The following GREB1 variants were observed in gnomAD, a reference collection of about 807,000 sequenced individuals.
The protein encoded by GREB1 is protein GREB1.
Under a neutral mutation model 200.7 loss-of-function variants are expected in GREB1, and 106 were observed. That is an observed-to-expected ratio of 0.53 (90% confidence interval 0.45 to 0.62). GREB1 has a LOEUF of 0.62. Ranked by LOEUF, GREB1 falls within the 20% of genes least tolerant of loss-of-function variation. The pLI is 0.00. For missense variants in GREB1, 2,243 were observed against 2,556.8 expected (o/e 0.88, Z 2.65); for synonymous variants, 1,132 against 1,092.4 (o/e 1.04, Z -0.72).
intron 4 of GREB1, among the ~76,000 whole-genome samples, chr2:11,574,373 C>T (rs1038957975): frequency 5.3e-5 from 8 of 152,194 alleles, no homozygotes; most frequent in Non-Finnish European, 1.2e-4. Context: ...AAGAAAGTGC[C>T]AGCCAGCCTT....
chr2:11,635,466 C>T, intron 30 of GREB1, 61 bp downstream of exon 30: 1 of 1,548,380 alleles, frequency 6.5e-7, no homozygotes. Flanking sequence ...CTGGCACACA[C>T]ACTGAGGGTA....
chr2:11,486,137 G>T (rs1016407630), intron 1 of GREB1, among the ~76,000 whole-genome samples: 3 of 152,112 alleles, frequency 2.0e-5, no homozygotes, highest in African/African-American at 7.2e-5. Flanking sequence ...GCTGACTTTG[G>T]GCAGTTCATA....
At chr2:11,520,292 A>G (rs1164952571) in intron 1 of GREB1, among the ~76,000 whole-genome samples, 4 of 152,248 alleles carry the variant, frequency 2.6e-5, no homozygotes, top group African/African-American at 9.6e-5. Flanking sequence ...ATTATCATAG[A>G]TCTATTGGCT....
chr2:11,580,935 A>T lies in GREB1; in HGVS notation c.901+103A>T, dbSNP rs773448758. On this transcript the variant is annotated intron_variant, in intron 7 of 32. Transcript: ENST00000381486. This position sits in a 1 kb window ranked among gnomAD's most constrained non-coding sequence, Gnocchi z 4.5. Reference sequence around the variant, plus strand: ...GGGCTGGGGCCGCTGAGCCTCCTGGAGTCTGATGTGGCTTCCATGAGAGTC... The same window carrying T: ...GGGCTGGGGCCGCTGAGCCTCCTGGTGTCTGATGTGGCTTCCATGAGAGTC... The T allele has an allele frequency of 7.0e-7, 1 of 1,418,954 alleles. No individual in the cohort carries two copies. Among genetic ancestry groups the T allele is most frequent in the East Asian group, 2.4e-5 (1 of 42,076 alleles). 87.9% of individuals were successfully genotyped at this position (1,418,954 alleles called of 1,614,324 possible). A position where few individuals can be genotyped will look rare whatever the true frequency, so the allele number is the denominator to read the frequency against.
chr2:11,518,210 G>A (rs143770622), intron 1 of GREB1, among the ~76,000 whole-genome samples: 145 of 152,264 alleles, frequency 9.5e-4, no homozygotes, highest in South Asian at 1.9e-3. Context: ...GTTGTTTGAC[G>A]TCAAGGTCAG....
chr2:11,614,517 G>A (rs1396851415), intron 19 of GREB1, among the ~76,000 whole-genome samples: 1 of 152,086 alleles, frequency 6.6e-6, no homozygotes, highest in African/African-American at 2.4e-5. Flanking sequence ...CTGTCGCTAG[G>A]AAGTAGCAGA....
chr2:11,488,289 G>A (rs1672701068), intron 1 of GREB1, among the ~76,000 whole-genome samples: 1 of 152,166 alleles, frequency 6.6e-6, no homozygotes, highest in Admixed American at 6.5e-5. Context: ...ATGAATCCAT[G>A]AAGGTGGCCG....
chr2:11,632,044 A>G lies in GREB1; in HGVS notation c.4747A>G (p.Ile1583Val), dbSNP rs1368716403. The G allele has an allele frequency of 1.2e-6, 2 of 1,614,100 alleles. No homozygotes were observed. Among genetic ancestry groups the G allele is most frequent in the Admixed American group, 3.3e-5 (2 of 60,014 alleles). ...VLVVKEYEMAIYKKYWPNHIM... is the reference protein window; with the variant it reads ...VLVVKEYEMAVYKKYWPNHIM... Reference sequence around the variant, plus strand: ...GGTTGTCAAGGAATACGAGATGGCAATTTATAAGAAATATTGGCCCAACCA... The same window carrying G: ...GGTTGTCAAGGAATACGAGATGGCAGTTTATAAGAAATATTGGCCCAACCA... The change falls in exon 27 of 33, where the codon ATT (isoleucine) becomes GTT (valine). Residue 1583 changes from isoleucine (I) to valine (V), a missense_variant. Coordinates refer to ENST00000381486, the MANE Select transcript of GREB1 (RefSeq NM_014668.4).
At chr2:11,510,792 C>T (rs1272035038) in intron 1 of GREB1, among the ~76,000 whole-genome samples, 3 of 150,646 alleles carry the variant, frequency 2.0e-5, no homozygotes, top group Non-Finnish European at 4.4e-5. Context: ...TGGGTTCAAG[C>T]AGTCCGAGTA....
intron 15 of GREB1, among the ~76,000 whole-genome samples, chr2:11,599,982 A>C (rs1299728726): frequency 6.6e-6 from 1 of 152,160 alleles, no homozygotes; most frequent in Non-Finnish European, 1.5e-5. Context: ...ACCTTCAGAC[A>C]TTTCCACTGA....
chr2:11,615,224 G>A lies in GREB1; in HGVS notation c.3256G>A (p.Ala1086Thr). The change falls in exon 20 of 33, where the codon GCC becomes ACC. Residue 1086 changes from alanine to threonine, a missense_variant. By Grantham distance (58) the Ala-to-Thr change is moderately conservative. This residue lies in a region of GREB1 where 587 missense variants were observed against 553.1 expected (regional missense o/e 1.06). Coordinates refer to ENST00000381486, the MANE Select transcript of GREB1 (RefSeq NM_014668.4). ...VPLEKGARNE[A>T]LESDAEKLSS... ...CTTGGAGAAGGGGGCTAGGAACGAG[G>A]CCTTGGAGAGTGATGCTGAGAAGCT... The A allele has an allele frequency of 6.2e-7, 1 of 1,613,262 alleles. No homozygotes were observed. Among genetic ancestry groups the A allele is most frequent in the Non-Finnish European group, 8.5e-7 (1 of 1,179,598 alleles).
In GREB1 at chr2:11,598,770, C is replaced by A. The variant is rs1681495395; in HGVS notation, c.2243C>A (p.Thr748Lys). 1.9e-6 allele frequency: 3 copies of A among 1,614,114 alleles called. No homozygotes were observed. The highest frequency in any genetic ancestry group is 2.2e-5 in the East Asian group (1 of 44,880). Reference sequence around the variant, plus strand: ...CTGAAGCTAGACACGGAGGCACAGACAAAATTTAAGGCTTTTCTGCAAAAC... The same window carrying A: ...CTGAAGCTAGACACGGAGGCACAGAAAAAATTTAAGGCTTTTCTGCAAAAC... ...YVLKLDTEAQ[T>K]KFKAFLQNSF... Residue 748 changes from threonine to lysine, a missense_variant, in exon 15 of 33, where the codon ACA (threonine) becomes AAA (lysine). Around this residue, in one of 3 missense-constraint regions of GREB1, gnomAD observed 1,178 missense variants for 1,387.4 expected, o/e 0.85. Coordinates refer to ENST00000381486, the MANE Select transcript of GREB1 (RefSeq NM_014668.4).
intron 7 of GREB1, among the ~76,000 whole-genome samples, chr2:11,583,360 A>G (rs994058021): frequency 6.6e-6 from 1 of 152,220 alleles, no homozygotes; most frequent in Non-Finnish European, 1.5e-5. Context: ...CATCCCTGCA[A>G]ACAGGAAGGA....
intron 24 of GREB1, 91 bp from the exon 25 acceptor site, chr2:11,626,871 A>G: frequency 3.0e-6 from 4 of 1,338,870 alleles, no homozygotes; most frequent in Non-Finnish European, 4.3e-6. Context: ...TTGTCTGGTC[A>G]TTTGAGCATT....
chr2:11,538,159 C>T (rs959239408), intron 1 of GREB1, among the ~76,000 whole-genome samples: 12 of 152,200 alleles, frequency 7.9e-5, no homozygotes, highest in Admixed American at 1.3e-4. Flanking sequence ...GAACCTCCAG[C>T]GGGTGCCACC....
At chr2:11,620,819 T>A (rs1282912391) in intron 22 of GREB1, 86 bp from the exon 23 acceptor site, 18 of 759,766 alleles carry the variant, frequency 2.4e-5, no homozygotes, top group Non-Finnish European at 2.9e-5. Context: ...GAGGCAGATG[T>A]CAGGAGCCAT....
chr2:11,612,074 G>A (rs762201668), intron 18 of GREB1, among the ~76,000 whole-genome samples: 60 of 151,814 alleles, frequency 4.0e-4, no homozygotes, highest in Admixed American at 1.3e-3. Context: ...TGCGCCTGTA[G>A]TCCCAGCTAC....
Position 11,623,189 on chromosome 2 carries a change from T to C in GREB1, c.4148-1965T>C, listed in dbSNP as rs1203534569. Among the ~76,000 whole-genome samples, 3 of 152,334 alleles carry C rather than the reference T, an allele frequency of 2.0e-5. No individual in the cohort carries two copies. The East Asian group carries it at 5.8e-4, about 29-fold the overall frequency. ...TAGTGATATCGTAGTCATCGGAATT[T>C]GTGGCAAGAGGCATTACTCAAGTGT... On this transcript the variant is annotated intron_variant, in intron 23 of 32. Transcript: ENST00000381486.
At chr2:11,552,793 C>T (rs989801299) in intron 1 of GREB1, among the ~76,000 whole-genome samples, 2 of 152,098 alleles carry the variant, frequency 1.3e-5, no homozygotes, top group African/African-American at 4.8e-5. Context: ...GGGCGGATCA[C>T]GAGGTCAGGA....
Sources: allele counts gnomAD v4.1 joint callset (sites outside exome capture counted in the v4.1 genomes callset), GRCh38; gene constraint gnomAD v4.1.1; regional missense constraint gnomAD v4.1.1; non-coding constraint Gnocchi (gnomAD v3.1); transcripts MANE v1.5; gene names NCBI Gene and HGNC (gene_info 2026-07-23, HGNC 2026-07-21).